Variants in RCVRN observed in about 807,000 individuals in gnomAD.
RCVRN encodes cancer associated retinopathy antigen.
In RCVRN, 23 loss-of-function variants were observed where a neutral mutation model predicts 20.4. The ratio of observed to expected loss-of-function variants is 1.13; its 90% CI spans 0.81 to 1.60. The LOEUF (loss-of-function observed/expected upper bound fraction) is 1.60, where lower values mean the gene tolerates loss of function less well. Among genes scored for constraint, RCVRN ranks in the 40% most tolerant of loss-of-function variants. The pLI is 0.00. For synonymous variants in RCVRN, 105 were observed against 105.9 expected, an observed-to-expected ratio of 0.99 and a Z score of 0.05; for missense variants, 254 against 254.2, an observed-to-expected ratio of 1.00 and a Z score of 0.00.
In RCVRN at chr17:9,898,176, C is replaced by T. The variant is rs753084804; in HGVS notation, c.522G>A (p.Glu174=). ...GAATTTCCTTATTGGCCAGTGTCCCCTCAATGAATTCTTTCTCTGTAAGTT... is the reference window on the plus strand; with the variant it reads ...GAATTTCCTTATTGGCCAGTGTCCCTTCAATGAATTCTTTCTCTGTAAGTT... ...DDKLTEKEFI[E]GTLANKEILR... Residue 174 remains glutamate (E), a synonymous_variant, in exon 3 of 3, where the codon GAG becomes GAA. Transcript: ENST00000226193. The T allele has an allele frequency of 6.2e-7, 1 of 1,613,142 alleles. No individual in the cohort carries two copies. Among genetic ancestry groups the T allele is most frequent in the South Asian group, 1.1e-5 (1 of 91,062 alleles).
Position 9,897,861 on chromosome 17 carries a change from G to T in RCVRN, c.*234C>A. ...CAGAGGGAGGGGTGGGACCGGGCAT[G>T]ATGGGAGGGAATGCTGAAGACCCAG... On this transcript the variant is annotated 3_prime_UTR_variant, in exon 3 of 3. Transcript: ENST00000226193. 3.9e-6 allele frequency: 2 copies of T among 518,888 alleles called. No individual in the cohort carries two copies. Among genetic ancestry groups the T allele is most frequent in the South Asian group, 4.6e-5 (2 of 43,374 alleles). The allele number at this position is 518,888 out of a possible 1,614,324, so 32.1% of individuals were successfully genotyped here.
At position 9,905,253 on chromosome 17, in the gene RCVRN, C is replaced by T. The variant is rs575779511; in HGVS notation, c.-73G>A. 712 of 1,474,326 alleles carry T rather than the reference C, an allele frequency of 4.8e-4. 14 individuals carry two copies. In the South Asian group the frequency reaches 8.1e-3, roughly 17 times the overall value. The allele number at this position is 1,474,326 out of a possible 1,614,324, so 91.3% of individuals were successfully genotyped here. A position where few individuals can be genotyped will look rare whatever the true frequency, so the allele number is the denominator to read the frequency against. ...ACGTGCGTGGTCCCCTGGCCGCAGG[C>T]TGGGCTCAAGGCTGGTGTGAGCTGA... On this transcript the variant is annotated 5_prime_UTR_variant, in exon 1 of 3. Transcript: ENST00000226193.
Position 9,905,111 on chromosome 17 carries a change from A to C in RCVRN, c.70T>G (p.Ser24Ala). ...LEELQLNTKF[S>A]EEELCSWYQS... ...TACCAGGAGCACAGCTCCTCCTCCGAGAACTTGGTGTTCAGCTGCAGCTCC... is the reference window on the plus strand; with the variant it reads ...TACCAGGAGCACAGCTCCTCCTCCGCGAACTTGGTGTTCAGCTGCAGCTCC... Residue 24 changes from serine (S) to alanine (A), a missense_variant, in exon 1 of 3, where the codon TCG becomes GCG. Physicochemically the swap from Ser to Ala is moderately conservative, Grantham distance 99. Transcript: ENST00000226193. 1.2e-6 allele frequency: 2 copies of C among 1,610,418 alleles called. No homozygotes were observed. Among genetic ancestry groups the C allele is most frequent in the Non-Finnish European group, 1.7e-6 (2 of 1,178,468 alleles).
At chr17:9,898,298 A>G in intron 2 of RCVRN, 94 bp from the exon 3 acceptor site, 2 of 769,946 alleles carry the variant, frequency 2.6e-6, no homozygotes, top group Non-Finnish European at 4.7e-6. Context: ...CAGTATCCCC[A>G]GTGTGAATGT....
chr17:9,901,280 G>A, intron 1 of RCVRN, 180 bp from the exon 2 acceptor site: 1 of 421,268 alleles, frequency 2.4e-6, no homozygotes. Flanking sequence ...TCTTGGCACT[G>A]GTCTTGACGA....
At chr17:9,902,588 G>A (rs1266317573) in intron 1 of RCVRN, among the ~76,000 whole-genome samples, 4 of 151,972 alleles carry the variant, frequency 2.6e-5, no homozygotes, top group Non-Finnish European at 4.4e-5. Flanking sequence ...TCAAATGAAG[G>A]AAATTAGAAC....
chr17:9,897,808 G>T lies in RCVRN; in HGVS notation c.*287C>A, dbSNP rs2067324158. On this transcript the variant is annotated 3_prime_UTR_variant, in exon 3 of 3. Coordinates refer to ENST00000226193, the MANE Select transcript of RCVRN (RefSeq NM_002903.3). ...TAGGACTCCTATGGCCTAATCCTGG[G>T]ATTAGCACAGGGCCATGGGCTGGTG... 1.3e-5 allele frequency: 5 copies of T among 370,976 alleles called. No homozygotes were observed. In the South Asian group the frequency reaches 2.0e-4, roughly 15 times the overall value. The allele number at this position is 370,976 out of a possible 1,614,324, so 23.0% of individuals were successfully genotyped here.
At chr17:9,901,979 A>G (rs561356338) in intron 1 of RCVRN, among the ~76,000 whole-genome samples, 2 of 152,174 alleles carry the variant, frequency 1.3e-5, no homozygotes, top group African/African-American at 4.8e-5. Context: ...AGCCCCAGCC[A>G]TTGATGGAGT....
In RCVRN at chr17:9,899,786, CCT is replaced by C. The variant is rs1242043828; in HGVS notation, c.493+1201_493+1202del. ...ACGAGCGCCTCCTTAAATTCTGTGTCCTATGTTCCTCCTACCCCAATGACCTT... is the reference window on the plus strand; with the variant it reads ...ACGAGCGCCTCCTTAAATTCTGTGTCATGTTCCTCCTACCCCAATGACCTT... On this transcript the variant is annotated intron_variant, in intron 2 of 2. Transcript: ENST00000226193. This position sits in a 1 kb window ranked among gnomAD's most constrained non-coding sequence, Gnocchi z 4.6. Among the ~76,000 whole-genome samples the C allele has an allele frequency of 2.0e-5, 3 of 152,180 alleles. No homozygotes were observed. Among genetic ancestry groups the C allele is most frequent in the Non-Finnish European group, 4.4e-5 (3 of 68,024 alleles).
Position 9,905,225 on chromosome 17 carries a change from G to A in RCVRN, c.-45C>T, listed in dbSNP as rs914661415. ...GCGGCTGGGGAGTCGCTGGGTGGGT[G>A]GGACGTGCGTGGTCCCCTGGCCGCA... On this transcript the variant is annotated 5_prime_UTR_variant, in exon 1 of 3. Transcript: ENST00000226193. The A allele has an allele frequency of 1.2e-5, 18 of 1,549,262 alleles. No individual in the cohort carries two copies. The highest frequency in any genetic ancestry group is 1.4e-5 in the Non-Finnish European group (16 of 1,150,724).
rs7207915 is a variant in RCVRN, at chr17:9,904,183, G to C, written c.381+617C>G. 4.8e-3 allele frequency among the ~76,000 whole-genome samples: 734 copies of C among 152,322 alleles called. 4 individuals are homozygous for C. The highest frequency in any genetic ancestry group is 0.017 in the African/African-American group (689 of 41,574). On this transcript the variant is annotated intron_variant, in intron 1 of 2. Coordinates refer to ENST00000226193, the MANE Select transcript of RCVRN (RefSeq NM_002903.3). The surrounding 1 kb of genome is among the most constrained non-coding windows in gnomAD (Gnocchi z 5.8). ...TTGAACTCGGGAGGCAGAGGTTGCA[G>C]TGAGCCAAGATCGCACTATTGCACT...
Position 9,904,845 on chromosome 17 carries a change from G to T in RCVRN, c.336C>A (p.Asp112Glu). 2 of 1,614,144 alleles carry T rather than the reference G, an allele frequency of 1.2e-6. No individual in the cohort carries two copies. Residue 112 changes from aspartate (D) to glutamate (E), a missense_variant, in exon 1 of 3, where the codon GAC becomes GAA. Asp to Glu is a conservative substitution (Grantham distance 45). Coordinates refer to ENST00000226193, the MANE Select transcript of RCVRN (RefSeq NM_002903.3). The surrounding 1 kb of genome is among the most constrained non-coding windows in gnomAD (Gnocchi z 5.8). Reference sequence around the variant, plus strand: ...CATTCTTGCTGATGGTCCCGTTACCGTCCACGTCGTAGAGGGAGAAGGCCC... The same window carrying T: ...CATTCTTGCTGATGGTCCCGTTACCTTCCACGTCGTAGAGGGAGAAGGCCC... Reference protein sequence around the residue: ...LEWAFSLYDVDGNGTISKNEV... With the variant: ...LEWAFSLYDVEGNGTISKNEV...
At chr17:9,898,630 A>G (rs530381405) in intron 2 of RCVRN, among the ~76,000 whole-genome samples, 2 of 152,214 alleles carry the variant, frequency 1.3e-5, no homozygotes, top group Non-Finnish European at 2.9e-5. Context: ...GCATAGCAAA[A>G]CAATCTGGAT....
chr17:9,900,832 C>T (rs1161440128), intron 2 of RCVRN, among the ~76,000 whole-genome samples, 157 bp downstream of exon 2: 1 of 152,184 alleles, frequency 6.6e-6, no homozygotes, highest in Non-Finnish European at 1.5e-5. Context: ...GGCCATTCCC[C>T]TGTCCAACCC....
At chr17:9,901,288 C>A in intron 1 of RCVRN, 188 bp from the exon 2 acceptor site, 1 of 413,006 alleles carries the variant, frequency 2.4e-6, no homozygotes, top group Non-Finnish European at 4.3e-6. Context: ...CTGGTCTTGA[C>A]GATAATTTTT....
rs2152055044 is a variant in RCVRN, at chr17:9,904,082, A to C, written c.381+718T>G. 6.6e-6 allele frequency among the ~76,000 whole-genome samples: 1 copy of C among 152,198 alleles called. No individual in the cohort carries two copies. Among genetic ancestry groups the C allele is most frequent in the Middle Eastern group, 3.4e-3 (1 of 294 alleles). ...ATGGTGAAACCCCGTCTCTACTAAA[A>C]ATACAAAAATTAGCTAGGCATAGTG... On this transcript the variant is annotated intron_variant, in intron 1 of 2. Transcript: ENST00000226193. This position sits in a 1 kb window ranked among gnomAD's most constrained non-coding sequence, Gnocchi z 5.8.
Position 9,904,913 on chromosome 17 carries a change from G to A in RCVRN, c.268C>T (p.Leu90=), listed in dbSNP as rs1293562290. 1.2e-6 allele frequency: 2 copies of A among 1,614,094 alleles called. No individual in the cohort carries two copies. The highest frequency in any genetic ancestry group is 2.7e-5 in the African/African-American group (2 of 74,918). ...GTCTTGCCCGCGGTGGTCATGTGCA[G>A]GGCGATGACGTACTCCTTGAAGTCC... ...TLDFKEYVIA[L]HMTTAGKTNQ... is the part of the protein sequence containing the mutation. Residue 90 remains leucine (L), a synonymous_variant, in exon 1 of 3, where the codon CTG becomes TTG. Transcript: ENST00000226193. This position sits in a 1 kb window ranked among gnomAD's most constrained non-coding sequence, Gnocchi z 5.8.
chr17:9,902,801 C>T (rs753343002), intron 1 of RCVRN, among the ~76,000 whole-genome samples: 1 of 152,122 alleles, frequency 6.6e-6, no homozygotes, highest in Admixed American at 6.6e-5. Flanking sequence ...AGTTCGAGAC[C>T]AGCCTGGCCA....
At position 9,904,748 on chromosome 17, in the gene RCVRN, G is replaced by T; in HGVS notation, c.381+52C>A. The T allele has an allele frequency of 6.4e-7, 1 of 1,573,250 alleles. No individual in the cohort carries two copies. Among genetic ancestry groups the T allele is most frequent in the South Asian group, 1.2e-5 (1 of 83,610 alleles). On this transcript the variant is annotated intron_variant, in intron 1 of 2. Transcript: ENST00000226193. The surrounding 1 kb of genome is among the most constrained non-coding windows in gnomAD (Gnocchi z 5.8). ...CAGCAGCTGCAGCAGGGGACCCCCA[G>T]CCCGGAGCGACCCCGGCACCGCCCA... is the stretch of plus-strand genomic sequence containing the variant.
Sources: gnomAD v4.1 joint callset for allele counts (sites outside exome capture counted in the v4.1 genomes callset) on GRCh38, gnomAD v4.1.1 for gene constraint, Gnocchi (gnomAD v3.1) non-coding constraint, MANE v1.5 for transcripts, NCBI Gene and HGNC (gene_info 2026-07-23, HGNC 2026-07-21) for gene names.